Variants in CD5L observed in about 807,000 individuals in gnomAD.
CD5L encodes CD5 antigen-like.
A neutral mutation model predicts 40.8 loss-of-function variants in CD5L; 39 were observed. That is an observed-to-expected ratio of 0.96 (90% CI 0.74 to 1.25). The LOEUF (loss-of-function observed/expected upper bound fraction) is 1.25, where lower values mean the gene tolerates loss of function less well. Ranked by LOEUF, CD5L falls within the 50% of genes most tolerant of loss-of-function variation. The probability of loss-of-function intolerance (pLI) is 0.00; values close to 1 mark genes in which losing one functional copy is unlikely to be tolerated. For synonymous variants in CD5L, 192 were observed against 169.6 expected (o/e 1.13, Z -1.03); for missense variants, 433 against 435.9 (o/e 0.99, Z 0.06).
At chr1:157,829,402 T>C (rs934677154), downstream of CD5L, among the ~76,000 whole-genome samples, 1 of 152,256 alleles carries the variant, frequency 6.6e-6, no homozygotes, top group African/African-American at 2.4e-5. Context: ...CTGTCAGTTC[T>C]GATTTGCCTA....
chr1:157,841,469 GA>G (rs1043394555), intron 1 of CD5L, among the ~76,000 whole-genome samples: 8 of 152,056 alleles, frequency 5.3e-5, no homozygotes, highest in African/African-American at 1.9e-4. Context: ...TAAGAAAATA[GA>G]AAAAAATCTG....
intron 1 of CD5L, 121 bp from the exon 2 acceptor site, chr1:157,839,531 G>C: frequency 1.0e-6 from 1 of 988,898 alleles, no homozygotes; most frequent in South Asian, 1.6e-5. Context: ...AGCCTCCAAT[G>C]TCAGTCCTGT....
chr1:157,827,685 A>G (rs923667203), downstream of CD5L, among the ~76,000 whole-genome samples: 6 of 152,208 alleles, frequency 3.9e-5, no homozygotes, highest in South Asian at 2.1e-4. Context: ...ATCTGGAAAC[A>G]TCTTCACAGA....
rs1461216115 is a variant in CD5L, at chr1:157,831,842, G to A, written c.*122C>T. 2.1e-6 allele frequency: 3 copies of A among 1,450,546 alleles called. No homozygotes were observed. In the African/African-American group the frequency reaches 4.3e-5, roughly 21 times the overall value. The allele number at this position is 1,450,546 out of a possible 1,614,324, so 89.9% of individuals were successfully genotyped here. ...ATAAGCCCAGTGTTCAGACTCCTGAGGGGATGAGGGAGTAGTGGCTCAAGC... is the reference window on the plus strand; with the variant it reads ...ATAAGCCCAGTGTTCAGACTCCTGAAGGGATGAGGGAGTAGTGGCTCAAGC... On this transcript the variant is annotated 3_prime_UTR_variant, in exon 6 of 6. Coordinates refer to ENST00000368174, the MANE Select transcript of CD5L (RefSeq NM_005894.3).
At chr1:157,837,116 A>G (rs142766822) in intron 2 of CD5L, among the ~76,000 whole-genome samples, 4 of 152,226 alleles carry the variant, frequency 2.6e-5, no homozygotes, top group East Asian at 3.9e-4. Flanking sequence ...ATAAATGAAT[A>G]CAAATATTAG....
intron 1 of CD5L, among the ~76,000 whole-genome samples, chr1:157,840,155 T>C (rs1656329318): frequency 6.6e-6 from 1 of 152,260 alleles, no homozygotes; most frequent in African/African-American, 2.4e-5. Context: ...CAGGCTGTTT[T>C]AGCTGATTTA....
At chr1:157,837,300 T>G (rs1252653853) in intron 2 of CD5L, among the ~76,000 whole-genome samples, 1 of 152,030 alleles carries the variant, frequency 6.6e-6, no homozygotes, top group Non-Finnish European at 1.5e-5. Context: ...GAGATGGCTG[T>G]GTAGGGAGAC....
rs1350559311 is a variant in CD5L at position 157,836,129 on chromosome 1, C to T, written c.82G>A (p.Gly28Arg). The change falls in exon 3 of 6, where the codon GGG becomes AGG. Residue 28 changes from glycine to arginine, a missense_variant. Physicochemically the swap from Gly to Arg is moderately radical, Grantham distance 125. Coordinates refer to ENST00000368174, the MANE Select transcript of CD5L (RefSeq NM_005894.3). ...CGCCCTTCACAGCGGTGGAGGCCCC[C>T]CACCAGCCGCACTCCAGATGGAGAC... ...LASPSGVRLV[G>R]GLHRCEGRVE... 20 of 1,613,132 alleles carry T rather than the reference C, an allele frequency of 1.2e-5. No individual in the cohort carries two copies. The highest frequency in any genetic ancestry group is 1.7e-5 in the Non-Finnish European group (20 of 1,179,464).
Position 157,833,521 on chromosome 1 carries a change from T to A in CD5L, c.719-9A>T. 4 of 1,595,238 alleles carry A rather than the reference T, an allele frequency of 2.5e-6. No individual in the cohort carries two copies. Among genetic ancestry groups the A allele is most frequent in the Non-Finnish European group, 3.4e-6 (4 of 1,166,256 alleles). ...TCTCAAGTCAAAGGGATCTGCAGGA[T>A]GGGGGAGGAAGTCAGGGGTTGGAGA... On this transcript the variant is annotated splice_polypyrimidine_tract_variant and intron_variant, in intron 4 of 5. Transcript: ENST00000368174.
Position 157,831,192 on chromosome 1 carries a change from T to C in CD5L, c.*772A>G. The C allele has an allele frequency of 2.0e-6, 2 of 985,296 alleles. No homozygotes were observed. The highest frequency in any genetic ancestry group is 2.4e-6 in the Non-Finnish European group (2 of 829,798). 61.0% of individuals were successfully genotyped at this position (985,296 alleles called of 1,614,324 possible). A position where few individuals can be genotyped will look rare whatever the true frequency, so the allele number is the denominator to read the frequency against. ...CCTTTTCCCAGTAACCAATATATTT[T>C]TCTTTGAATAAAGTAAAATGTATTT... On this transcript the variant is annotated 3_prime_UTR_variant, in exon 6 of 6. Coordinates refer to ENST00000368174, the MANE Select transcript of CD5L (RefSeq NM_005894.3).
chr1:157,833,750 T>C (rs2101936845), intron 4 of CD5L, among the ~76,000 whole-genome samples: 1 of 146,312 alleles, frequency 6.8e-6, no homozygotes, highest in East Asian at 2.0e-4. Flanking sequence ...GGACTACAGG[T>C]GCATGCCACA....
Position 157,835,853 on chromosome 1 carries a change from C to G in CD5L, c.358G>C (p.Ala120Pro). ...EVYDCSHDED[A>P]GASCENPESS... The stretch of plus-strand genomic sequence containing the variant: ...TACTCACTCTCACACGATGCCCCAG[C>G]ATCTTCATCATGTGAACAATCATAA... The change falls in exon 3 of 6, where the codon GCT becomes CCT. Residue 120 changes from alanine (A) to proline (P), a missense_variant. Coordinates refer to ENST00000368174, the MANE Select transcript of CD5L (RefSeq NM_005894.3). 6.2e-7 allele frequency: 1 copy of G among 1,612,844 alleles called. No homozygotes were observed. The highest frequency in any genetic ancestry group is 8.5e-7 in the Non-Finnish European group (1 of 1,179,320).
rs200217766 is a variant in CD5L, at chr1:157,834,440, T to G, written c.685A>C (p.Asn229His). ...PSGPWGKNTC[N>H]HDEDTWVECE... ...TCGACCCACGTGTCTTCATCATGGT[T>G]GCAGGTGTTCTTCCCCCAAGGCCCA... Residue 229 changes from asparagine to histidine, a missense_variant, in exon 4 of 6, where the codon AAC becomes CAC. Coordinates refer to ENST00000368174, the MANE Select transcript of CD5L (RefSeq NM_005894.3). 38 of 1,613,992 alleles carry G rather than the reference T, an allele frequency of 2.4e-5. No individual in the cohort carries two copies. The highest frequency in any genetic ancestry group is 2.9e-5 in the Non-Finnish European group (34 of 1,179,976).
Position 157,833,485 on chromosome 1 carries a change from C to G in CD5L, c.746G>C (p.Gly249Ala), listed in dbSNP as rs745704608. 2 of 1,613,052 alleles carry G rather than the reference C, an allele frequency of 1.2e-6. No homozygotes were observed. The highest frequency in any genetic ancestry group is 2.7e-5 in the African/African-American group (2 of 74,874). The change falls in exon 5 of 6, where the codon GGA becomes GCA. Residue 249 changes from glycine to alanine, a missense_variant. Gly to Ala is a moderately conservative substitution (Grantham distance 60, BLOSUM62 0). Coordinates refer to ENST00000368174, the MANE Select transcript of CD5L (RefSeq NM_005894.3). ...EDPFDLRLVG[G>A]DNLCSGRLEV... ...CAGTCGCCCAGAGCAGAGGTTGTCT[C>G]CTCCTACTAGTCTCAAGTCAAAGGG...
chr1:157,827,416 G>A (rs150284322), downstream of CD5L, among the ~76,000 whole-genome samples: 1 of 152,100 alleles, frequency 6.6e-6, no homozygotes, highest in African/African-American at 2.4e-5. Flanking sequence ...TCCAAACTAT[G>A]TCTGATGGCC....
At chr1:157,830,317 G>A (rs1012340839), downstream of CD5L, among the ~76,000 whole-genome samples, 4 of 152,178 alleles carry the variant, frequency 2.6e-5, no homozygotes, top group African/African-American at 7.2e-5. Flanking sequence ...AGAGGACCCC[G>A]TTATTCCATC....
chr1:157,829,139 G>C (rs1185729825), downstream of CD5L, among the ~76,000 whole-genome samples: 4 of 152,216 alleles, frequency 2.6e-5, no homozygotes, highest in Non-Finnish European at 4.4e-5. Flanking sequence ...GGTTGTTAGA[G>C]GACAAGAGTA....
At chr1:157,836,228 T>C in intron 2 of CD5L, 73 bp from the exon 3 acceptor site, 1 of 1,208,906 alleles carries the variant, frequency 8.3e-7, no homozygotes, top group Non-Finnish European at 1.2e-6. Flanking sequence ...ACTCAGTCAA[T>C]CTGGGACTCT....
chr1:157,835,719 G>T, intron 3 of CD5L, 116 bp downstream of exon 3: 1 of 786,766 alleles, frequency 1.3e-6, no homozygotes, highest in Non-Finnish European at 2.1e-6. Flanking sequence ...AGATGTGGGG[G>T]GTGAGGGGCC....
Sources: gnomAD v4.1 joint callset for allele counts (sites outside exome capture counted in the v4.1 genomes callset) on GRCh38, gnomAD v4.1.1 for gene constraint, MANE v1.5 for transcripts, NCBI Gene and HGNC (gene_info 2026-07-23, HGNC 2026-07-21) for gene names.